CACNA1H: variants seen among roughly 807,000 people sequenced by gnomAD.
The protein encoded by CACNA1H is calcium voltage-gated channel subunit alpha1 H.
Under a neutral mutation model 192.5 loss-of-function variants are expected in CACNA1H, and 149 were observed. The observed-to-expected ratio is 0.77, with a 90% CI of 0.68 to 0.89. The LOEUF is 0.89. Ranked by LOEUF, CACNA1H falls within the 40% of genes least tolerant of loss-of-function variation. The pLI is 0.00. For missense variants in CACNA1H, 4,257 were observed against 3,423.5 expected (o/e 1.24, Z -6.08); for synonymous variants, 2,202 against 1,475.2 (o/e 1.49, Z -11.29).
chr16:1,209,819 G>A (rs1969208542), intron 17 of CACNA1H, among the ~76,000 whole-genome samples: 3 of 152,320 alleles, frequency 2.0e-5, no homozygotes, highest in African/African-American at 4.8e-5. Context: ...CTCCAGCACG[G>A]GTCACTCTGC....
chr16:1,154,749 C>A (rs1432185926), intron 2 of CACNA1H, among the ~76,000 whole-genome samples: 1 of 152,192 alleles, frequency 6.6e-6, no homozygotes, highest in Non-Finnish European at 1.5e-5. Flanking sequence ...CTCTTCTACT[C>A]TCGGCCAGAG....
In CACNA1H at chr16:1,197,829, G is replaced by C. The variant is rs77511015; in HGVS notation, c.644-786G>C. Among the ~76,000 whole-genome samples the C allele has an allele frequency of 4.0e-3, 609 of 152,308 alleles. 8 individuals carry two copies. The highest frequency in any genetic ancestry group is 0.014 in the African/African-American group (577 of 41,578). ...TACCTGCTGCCTTAGCCTGGCCCTT[G>C]ATTAAATTTGAGGGAAAGGACGTCT... On this transcript the variant is annotated intron_variant, in intron 5 of 34. Coordinates refer to ENST00000348261, the MANE Select transcript of CACNA1H (RefSeq NM_021098.3).
rs899655295 is a variant in CACNA1H, at chr16:1,220,641, G to C, written c.6709G>C (p.Gly2237Arg). The C allele has an allele frequency of 5.0e-6, 8 of 1,602,682 alleles. No homozygotes were observed. Among genetic ancestry groups the C allele is most frequent in the African/African-American group, 1.3e-5 (1 of 74,438 alleles). Residue 2237 changes from glycine to arginine, a missense_variant, in exon 35 of 35, where the codon GGC becomes CGC. By Grantham distance (125) the Gly-to-Arg change is moderately radical (BLOSUM62 -2). Transcript: ENST00000348261. ...PHRDSLEPTE[G>R]SGAGGDPAAK... is the part of the protein sequence containing the mutation. ...CAGGGACTCCCTGGAGCCCACAGAGGGCTCAGGCGCCGGGGGGGACCCTGC... is the reference window on the plus strand; with the variant it reads ...CAGGGACTCCCTGGAGCCCACAGAGCGCTCAGGCGCCGGGGGGGACCCTGC...
chr16:1,201,794 C>T lies in CACNA1H; in HGVS notation c.1344C>T (p.Ala448=), dbSNP rs1036805893. The change falls in exon 9 of 35, where the codon GCC becomes GCT. Residue 448 remains alanine, a synonymous_variant. Transcript: ENST00000348261. ...ARHLSNDSTL[A]SFSEPGSCYE... is the part of the protein sequence containing the mutation. ...ACCTGTCCAACGACAGCACGCTGGC[C>T]AGCTTCTCCGAGCCTGGCAGCTGCT... 7 of 1,596,246 alleles carry T rather than the reference C, an allele frequency of 4.4e-6. No individual in the cohort carries two copies. Among genetic ancestry groups the T allele is most frequent in the Middle Eastern group, 1.7e-4 (1 of 5,948 alleles).
intron 2 of CACNA1H, among the ~76,000 whole-genome samples, chr16:1,155,279 G>A (rs933861806): frequency 2.0e-5 from 3 of 152,334 alleles, no homozygotes; most frequent in African/African-American, 4.8e-5. Flanking sequence ...CCCCACACCC[G>A]CTGCCCGGGC....
At chr16:1,156,278 CCCCGTGGAAACGCCCGTCGGT>C (rs1962373002) in intron 2 of CACNA1H, among the ~76,000 whole-genome samples, 1 of 152,240 alleles carries the variant, frequency 6.6e-6, no homozygotes, top group Admixed American at 6.5e-5. Context: ...TCATTCTTGG[CCCCGTGGAAACGCCCGTCGGT>C]CAGGTGGAGT....
intron 5 of CACNA1H, among the ~76,000 whole-genome samples, chr16:1,196,558 C>T (rs1967000441): frequency 6.6e-6 from 1 of 152,234 alleles, no homozygotes; most frequent in African/African-American, 2.4e-5. Context: ...GGATCCCCAC[C>T]TAAGGAAAGG....
Position 1,200,580 on chromosome 16 carries a change from C to G in CACNA1H, c.1119+9C>G. On this transcript the variant is annotated intron_variant, in intron 7 of 34. Transcript: ENST00000348261. The stretch of plus-strand genomic sequence containing the variant: ...GGATTGCCATCTTCCAGGTGGGCGG[C>G]AAGATGGTGGGACGGGGACCCTGGG... 6.2e-7 allele frequency: 1 copy of G among 1,611,312 alleles called. No individual in the cohort carries two copies. The highest frequency in any genetic ancestry group is 8.5e-7 in the Non-Finnish European group (1 of 1,179,520).
Position 1,218,600 on chromosome 16 carries a change from C to T in CACNA1H, c.5836C>T (p.Arg1946Cys), listed in dbSNP as rs57429153. ...PVVPASAPHP[R>C]PLQEVEMETY... ...GGTGCCTGCCTCGGCGCCCCACCCC[C>T]GCCCGCTGCAGGAGGTGGAGATGGA... The change falls in exon 33 of 35, where the codon CGC becomes TGC. Residue 1946 changes from arginine to cysteine, a missense_variant. Physicochemically the swap from Arg to Cys is radical, Grantham distance 180 (BLOSUM62 -3). Coordinates refer to ENST00000348261, the MANE Select transcript of CACNA1H (RefSeq NM_021098.3). The T allele has an allele frequency of 2.5e-4, 393 of 1,565,238 alleles. 3 individuals carry two copies. The highest frequency in any genetic ancestry group is 1.4e-4 in the East Asian group (6 of 42,326).
intron 11 of CACNA1H, 104 bp downstream of exon 11, chr16:1,205,369 C>T (rs540652316): frequency 5.8e-5 from 72 of 1,241,026 alleles, no homozygotes; most frequent in African/African-American, 1.4e-4. Context: ...GGAAGTACGA[C>T]GATAGCTCTT....
intron 5 of CACNA1H, among the ~76,000 whole-genome samples, chr16:1,196,427 C>T (rs1008970300): frequency 1.3e-5 from 2 of 152,202 alleles, no homozygotes; most frequent in African/African-American, 2.4e-5. Context: ...CTCAGCTCAC[C>T]TGGGGGCTCT....
chr16:1,208,754 G>C (rs116221764), intron 16 of CACNA1H, among the ~76,000 whole-genome samples: 4 of 152,126 alleles, frequency 2.6e-5, no homozygotes, highest in African/African-American at 9.7e-5. Flanking sequence ...CTGGGGACAC[G>C]GGGGCCACCC....
In CACNA1H at chr16:1,221,706, G is replaced by A. The variant is rs1970491380; in HGVS notation, c.*712G>A. The stretch of plus-strand genomic sequence containing the variant: ...AATGTTGCAATAATCTGATGCAGAA[G>A]ACTCAGCTTCTCAAGGGAGAGGGAG... On this transcript the variant is annotated 3_prime_UTR_variant, in exon 35 of 35. Coordinates refer to ENST00000348261, the MANE Select transcript of CACNA1H (RefSeq NM_021098.3). 4.6e-6 allele frequency: 6 copies of A among 1,315,874 alleles called. No homozygotes were observed. The highest frequency in any genetic ancestry group is 6.2e-6 in the Non-Finnish European group (6 of 969,130). 81.5% of individuals were successfully genotyped at this position (1,315,874 alleles called of 1,614,324 possible). A position where few individuals can be genotyped will look rare whatever the true frequency, so the allele number is the denominator to read the frequency against.
At position 1,200,569 on chromosome 16, in the gene CACNA1H, C is replaced by T. The variant is rs1382610227; in HGVS notation, c.1117C>T (p.Gln373Ter). The T allele has an allele frequency of 1.2e-6, 2 of 1,611,722 alleles. No homozygotes were observed. The highest frequency in any genetic ancestry group is 1.7e-6 in the Non-Finnish European group (2 of 1,179,638). The change falls in exon 7 of 35, where the codon CAG (glutamine) becomes TAG (stop). Residue 373 changes from glutamine (Q) to a stop codon, truncating the protein, a stop_gained and splice_region_variant. Transcript: ENST00000348261. LOFTEE classifies it high-confidence loss of function. ...CGGCTACGCCTGGATTGCCATCTTCCAGGTGGGCGGCAAGATGGTGGGACG... is the reference window on the plus strand; with the variant it reads ...CGGCTACGCCTGGATTGCCATCTTCTAGGTGGGCGGCAAGATGGTGGGACG... ...NIGYAWIAIF[Q>*]VITLEGWVDI...
At chr16:1,171,700 A>G (rs1278559149) in intron 2 of CACNA1H, among the ~76,000 whole-genome samples, 3 of 151,770 alleles carry the variant, frequency 2.0e-5, no homozygotes, top group Non-Finnish European at 4.4e-5. Flanking sequence ...GCCTCGGCCC[A>G]CAGAGACCAC....
intron 2 of CACNA1H, among the ~76,000 whole-genome samples, chr16:1,176,445 G>A (rs1036110333): frequency 6.6e-6 from 1 of 152,226 alleles, no homozygotes; most frequent in Non-Finnish European, 1.5e-5. Context: ...GTCTCTGCAT[G>A]GACCCCAGCT....
rs1970367558 is a variant in CACNA1H at position 1,220,158 on chromosome 16, C to G, written c.6226C>G (p.Gln2076Glu). The G allele has an allele frequency of 6.6e-7, 1 of 1,524,332 alleles. No individual in the cohort carries two copies. The highest frequency in any genetic ancestry group is 8.8e-7 in the Non-Finnish European group (1 of 1,137,752). 94.4% of individuals were successfully genotyped at this position (1,524,332 alleles called of 1,614,324 possible). The change falls in exon 35 of 35, where the codon CAG (glutamine) becomes GAG (glutamate). Residue 2076 changes from glutamine to glutamate, a missense_variant. Physicochemically the swap from Gln to Glu is conservative, Grantham distance 29 (BLOSUM62 2). Coordinates refer to ENST00000348261, the MANE Select transcript of CACNA1H (RefSeq NM_021098.3). The part of the protein sequence containing the change: ...SVRTRKHTFG[Q>E]RCVSSRPAAP... ...CCGCACTCGTAAGCATACCTTCGGACAGCGCTGCGTCTCCAGCCGGCCGGC... is the reference window on the plus strand; with the variant it reads ...CCGCACTCGTAAGCATACCTTCGGAGAGCGCTGCGTCTCCAGCCGGCCGGC...
chr16:1,162,185 C>T (rs147715770), intron 2 of CACNA1H, among the ~76,000 whole-genome samples: 3 of 152,234 alleles, frequency 2.0e-5, no homozygotes, highest in African/African-American at 7.2e-5. Flanking sequence ...CCCATGACCC[C>T]TCGCCCTGGG....
At chr16:1,200,858 CTGGGGGTGGGG>C in intron 8 of CACNA1H, 50 bp downstream of exon 8, 7 of 1,333,340 alleles carry the variant, frequency 5.2e-6, no homozygotes, top group Non-Finnish European at 7.1e-6. Flanking sequence ...TGTTAGCTGG[CTGGGGGTGGGG>C]TGGGGTACCT....
Sources: allele counts gnomAD v4.1 joint callset (sites outside exome capture counted in the v4.1 genomes callset), GRCh38; gene constraint gnomAD v4.1.1; transcripts MANE v1.5; gene names NCBI Gene and HGNC (gene_info 2026-07-23, HGNC 2026-07-21).